Variants in MOGAT2 observed in about 807,000 individuals in gnomAD.
The protein encoded by MOGAT2 is monoacylglycerol O-acyltransferase 2.
MOGAT2 carries 27 observed loss-of-function variants against 31.5 expected under a neutral mutation model. The observed-to-expected ratio is 0.86, with a 90% CI of 0.63 to 1.18. The LOEUF (loss-of-function observed/expected upper bound fraction) is 1.18. MOGAT2 is among the 50% of genes most tolerant of loss of function. MOGAT2 has a pLI of 0.00. For synonymous variants in MOGAT2, 163 were observed against 170.0 expected, an observed-to-expected ratio of 0.96 and a Z score of 0.32; for missense variants, 436 against 433.2, an observed-to-expected ratio of 1.01 and a Z score of -0.06.
rs142226646 is a variant in MOGAT2, at chr11:75,728,130, C to T, written c.636C>T (p.Leu212=). ...GGAACCGAAAGGGCTTCGTCAGGCTCGCCCTGACACACGGGTATCAAGCCT... is the reference window on the plus strand; with the variant it reads ...GGAACCGAAAGGGCTTCGTCAGGCTTGCCCTGACACACGGGTATCAAGCCT... ...LLRNRKGFVR[L]ALTHGAPLVP... Residue 212 remains leucine (L), a synonymous_variant, in exon 4 of 6, where the codon CTC becomes CTT. Coordinates refer to ENST00000198801, the MANE Select transcript of MOGAT2 (RefSeq NM_025098.4). 352 of 1,613,276 alleles carry T rather than the reference C, an allele frequency of 2.2e-4. No homozygotes were observed. In the African/African-American group the frequency reaches 4.1e-3, roughly 19 times the overall value.
At chr11:75,731,005 A>T in intron 5 of MOGAT2, 127 bp from the exon 6 acceptor site, 1 of 653,618 alleles carries the variant, frequency 1.5e-6, no homozygotes, top group Non-Finnish European at 2.4e-6. Flanking sequence ...CTAATATCTT[A>T]AAATTCATTA....
chr11:75,725,557 T>TAAAC, intron 2 of MOGAT2, among the ~76,000 whole-genome samples: 1 of 150,908 alleles, frequency 6.6e-6, no homozygotes, highest in Middle Eastern at 3.4e-3. Flanking sequence ...CATAAATAAA[T>TAAAC]AAATAAATAA....
Position 75,731,218 on chromosome 11 carries a change from T to C in MOGAT2, c.937T>C (p.Cys313Arg), listed in dbSNP as rs1390617245. 1 of 1,614,156 alleles carries C rather than the reference T, an allele frequency of 6.2e-7. No individual in the cohort carries two copies. The highest frequency in any genetic ancestry group is 1.1e-5 in the South Asian group (1 of 91,086). ...QLHQRYIKEL[C>R]NLFEAHKLKF... is the part of the protein sequence containing the mutation. Reference sequence around the variant, plus strand: ...GCACCAGCGTTATATCAAAGAGCTGTGCAACCTCTTCGAGGCCCACAAACT... The same window carrying C: ...GCACCAGCGTTATATCAAAGAGCTGCGCAACCTCTTCGAGGCCCACAAACT... Residue 313 changes from cysteine to arginine, a missense_variant, in exon 6 of 6, where the codon TGC becomes CGC. Physicochemically the swap from Cys to Arg is radical, Grantham distance 180 (BLOSUM62 -3). Coordinates refer to ENST00000198801, the MANE Select transcript of MOGAT2 (RefSeq NM_025098.4).
At chr11:75,720,640 A>G (rs1333978838) in intron 2 of MOGAT2, among the ~76,000 whole-genome samples, 1 of 152,184 alleles carries the variant, frequency 6.6e-6, no homozygotes, top group Non-Finnish European at 1.5e-5. Flanking sequence ...AAGTGTGTAC[A>G]CTGACTGTGG....
At chr11:75,727,920 T>C (rs750096716) in intron 3 of MOGAT2, 50 bp from the exon 4 acceptor site, 5 of 1,520,692 alleles carry the variant, frequency 3.3e-6, no homozygotes, top group Non-Finnish European at 3.5e-6. Context: ...TGTACTTTCA[T>C]AGCCCCTGCT....
At position 75,717,932 on chromosome 11, in the gene MOGAT2, T is replaced by C. The variant is rs767930500; in HGVS notation, c.44T>C (p.Leu15Pro). ...APLFMPWERR[L>P]QTLAVLQFVF... ...TTGTTTATGCCGTGGGAGCGCAGGC[T>C]GCAGACACTTGCTGTCCTACAGTTT... Residue 15 changes from leucine to proline, a missense_variant, in exon 1 of 6, where the codon CTG becomes CCG. Leu to Pro is a moderately conservative substitution (Grantham distance 98, BLOSUM62 -3). Coordinates refer to ENST00000198801, the MANE Select transcript of MOGAT2 (RefSeq NM_025098.4). 6.8e-6 allele frequency: 11 copies of C among 1,614,122 alleles called. No homozygotes were observed. Among genetic ancestry groups the C allele is most frequent in the South Asian group, 1.1e-5 (1 of 91,090 alleles).
In MOGAT2 at chr11:75,731,158, A is replaced by T; in HGVS notation, c.877A>T (p.Thr293Ser). The change falls in exon 6 of 6, where the codon ACG becomes TCG. Residue 293 changes from threonine to serine, a missense_variant. Coordinates refer to ENST00000198801, the MANE Select transcript of MOGAT2 (RefSeq NM_025098.4). The stretch of plus-strand genomic sequence containing the variant: ...GGGGAAGCCCATCGAGGTACAGAAG[A>T]CGCTGCATCCCTCGGAGGAGGAGGT... The part of the protein sequence containing the change: ...VVGKPIEVQK[T>S]LHPSEEEVNQ... 1.2e-6 allele frequency: 2 copies of T among 1,614,014 alleles called. No homozygotes were observed. Among genetic ancestry groups the T allele is most frequent in the Admixed American group, 3.3e-5 (2 of 60,010 alleles).
At chr11:75,718,114 T>A (rs1055584038) in intron 1 of MOGAT2, 135 bp downstream of exon 1, 5 of 907,944 alleles carry the variant, frequency 5.5e-6, no homozygotes, top group Non-Finnish European at 8.6e-6. Context: ...TCAGAGCCCC[T>A]GCCCAGAGAG....
chr11:75,724,941 A>G (rs889494793), intron 2 of MOGAT2, among the ~76,000 whole-genome samples: 4 of 152,190 alleles, frequency 2.6e-5, no homozygotes, highest in Non-Finnish European at 4.4e-5. Flanking sequence ...ACAACGGTCC[A>G]TTGTGTGGAT....
Position 75,720,011 on chromosome 11 carries a change from C to T in MOGAT2, c.111C>T (p.Gly37=), listed in dbSNP as rs143856113. 290 of 1,614,012 alleles carry T rather than the reference C, an allele frequency of 1.8e-4. 1 individual carries two copies. In the East Asian group the frequency reaches 6.1e-3, roughly 34 times the overall value. ...CCCCAGCCGAGATCTGCACTGTGGG[C>T]TTCATAGCCCTCCTGTTTACAAGAT... The part of the protein sequence containing the change: ...FLALAEICTV[G]FIALLFTRFW... The change falls in exon 2 of 6, where the codon GGC becomes GGT. Residue 37 remains glycine, a synonymous_variant. Coordinates refer to ENST00000198801, the MANE Select transcript of MOGAT2 (RefSeq NM_025098.4).
Position 75,728,985 on chromosome 11 carries a change from T to G in MOGAT2, c.846T>G (p.Thr282=), listed in dbSNP as rs1944449015. Residue 282 remains threonine, a synonymous_variant, in exon 5 of 6, where the codon ACT becomes ACG. Coordinates refer to ENST00000198801, the MANE Select transcript of MOGAT2 (RefSeq NM_025098.4). ...TACCCTACCGCCGGCCCATCACCAC[T>G]GTGGGTAAGTCCAGGACCAGGCTGG... is the stretch of plus-strand genomic sequence containing the variant. The part of the protein sequence containing the change: ...GLIPYRRPIT[T]VVGKPIEVQK... 3 of 1,613,584 alleles carry G rather than the reference T, an allele frequency of 1.9e-6. No individual in the cohort carries two copies. In the East Asian group the frequency reaches 6.7e-5, roughly 36 times the overall value.
chr11:75,719,076 C>T (rs1944354798), intron 1 of MOGAT2, among the ~76,000 whole-genome samples: 1 of 152,152 alleles, frequency 6.6e-6, no homozygotes, highest in African/African-American at 2.4e-5. Flanking sequence ...CCTCCAGGAC[C>T]CTGCCCTAGC....
chr11:75,728,708 C>A, intron 4 of MOGAT2, 82 bp from the exon 5 acceptor site: 1 of 1,222,730 alleles, frequency 8.2e-7, no homozygotes, highest in Non-Finnish European at 1.2e-6. Flanking sequence ...GTCACTGAGT[C>A]CCTGCAGGAA....
chr11:75,728,163 G>C lies in MOGAT2; in HGVS notation c.650+19G>C. The C allele has an allele frequency of 1.9e-6, 3 of 1,609,496 alleles. No homozygotes were observed. Among genetic ancestry groups the C allele is most frequent in the Non-Finnish European group, 2.5e-6 (3 of 1,177,838 alleles). ...CACACGGGTATCAAGCCTCTGGGAAGAGCACTCTGGGTTCAGTTGGCAATT... is the reference window on the plus strand; with the variant it reads ...CACACGGGTATCAAGCCTCTGGGAACAGCACTCTGGGTTCAGTTGGCAATT... On this transcript the variant is annotated intron_variant, in intron 4 of 5. Coordinates refer to ENST00000198801, the MANE Select transcript of MOGAT2 (RefSeq NM_025098.4).
At position 75,720,080 on chromosome 11, in the gene MOGAT2, C is replaced by T; in HGVS notation, c.180C>T (p.Asp60=). Residue 60 remains aspartate (D), a synonymous_variant, in exon 2 of 6, where the codon GAC becomes GAT. Transcript: ENST00000198801. The part of the protein sequence containing the change: ...TVLYAAWWYL[D]RDKPRQGGRH... ...TGTATGCGGCCTGGTGGTATCTGGA[C>T]CGAGACAAGCCACGGCAGGGGGGCC... The T allele has an allele frequency of 4.3e-6, 7 of 1,614,196 alleles. No individual in the cohort carries two copies. The highest frequency in any genetic ancestry group is 5.9e-6 in the Non-Finnish European group (7 of 1,180,042).
intron 2 of MOGAT2, among the ~76,000 whole-genome samples, chr11:75,724,745 C>T (rs889432648): frequency 1.3e-5 from 2 of 152,138 alleles, no homozygotes; most frequent in Non-Finnish European, 2.9e-5. Flanking sequence ...CAGTTCCTGT[C>T]CTCAGAGGCA....
At position 75,728,448 on chromosome 11, in the gene MOGAT2, C is replaced by G. The variant is rs547527500; in HGVS notation, c.650+304C>G. The G allele has an allele frequency of 3.1e-5, 17 of 553,382 alleles. No individual in the cohort carries two copies. In the East Asian group the frequency reaches 4.2e-4, roughly 14 times the overall value. 34.3% of individuals were successfully genotyped at this position (553,382 alleles called of 1,614,324 possible). On this transcript the variant is annotated intron_variant, in intron 4 of 5. Coordinates refer to ENST00000198801, the MANE Select transcript of MOGAT2 (RefSeq NM_025098.4). ...GTACATTTCAGAGCTGTTCTCCCTC[C>G]TTGGGGTGAAGCATCCTTGAGAAAC...
rs184991925 is a variant in MOGAT2 at position 75,721,502 on chromosome 11, C to T, written c.270+1332C>T. Reference sequence around the variant, plus strand: ...TTCTCCATGTTGGTCAGGCTGGTCTCGAACTCCCGACCTTAGGTGATCTGC... The same window carrying T: ...TTCTCCATGTTGGTCAGGCTGGTCTTGAACTCCCGACCTTAGGTGATCTGC... On this transcript the variant is annotated intron_variant, in intron 2 of 5. Transcript: ENST00000198801. 4.6e-5 allele frequency among the ~76,000 whole-genome samples: 7 copies of T among 152,244 alleles called. No homozygotes were observed. In the East Asian group the frequency reaches 1.2e-3, roughly 25 times the overall value.
chr11:75,729,182 A>G (rs966193570), intron 5 of MOGAT2, among the ~76,000 whole-genome samples, 193 bp downstream of exon 5: 2 of 152,258 alleles, frequency 1.3e-5, no homozygotes, highest in African/African-American at 4.8e-5. Context: ...AGGTGCCAAC[A>G]GCAATAGTTG....
Sources: gnomAD v4.1 joint callset for allele counts (sites outside exome capture counted in the v4.1 genomes callset) on GRCh38, gnomAD v4.1.1 for gene constraint, MANE v1.5 for transcripts, NCBI Gene and HGNC (gene_info 2026-07-23, HGNC 2026-07-21) for gene names.